CSMD1: variants seen among roughly 807,000 people sequenced by gnomAD.
CSMD1 encodes the protein CUB and Sushi multiple domains 1, also known as CUB and sushi domain-containing protein 1.
CSMD1 carries 213 observed loss-of-function variants against 417.5 expected under a neutral mutation model. That is an observed-to-expected ratio of 0.51 (90% CI 0.46 to 0.57). The LOEUF (loss-of-function observed/expected upper bound fraction) is 0.57. CSMD1 is among the 20% of genes least tolerant of loss of function. The probability of loss-of-function intolerance (pLI) is 0.00; values close to 1 mark genes in which losing one functional copy is unlikely to be tolerated. For missense variants in CSMD1, 6,923 were observed against 4,529.7 expected, an observed-to-expected ratio of 1.53 and a Z score of -15.17; for synonymous variants, 2,862 against 1,736.8, an observed-to-expected ratio of 1.65 and a Z score of -16.11.
intron 49 of CSMD1, among the ~76,000 whole-genome samples, chr8:3,074,827 A>C (rs145738628): frequency 3.0e-4 from 46 of 152,334 alleles, no homozygotes; most frequent in Non-Finnish European, 4.4e-4. Context: ...CATTCAATTG[A>C]TATAAAGACA....
intron 42 of CSMD1, among the ~76,000 whole-genome samples, chr8:3,117,820 T>C (rs1816959545): frequency 6.6e-6 from 1 of 152,172 alleles, no homozygotes; most frequent in Non-Finnish European, 1.5e-5. Context: ...ACCACTCTAC[T>C]ATTTTCTCCT....
chr8:4,948,813 G>C (rs774411824), intron 1 of CSMD1, among the ~76,000 whole-genome samples: 2 of 151,978 alleles, frequency 1.3e-5, no homozygotes, highest in East Asian at 1.9e-4. Flanking sequence ...TATTCCCCTA[G>C]AATGGAGCTG....
chr8:4,398,527 G>A (rs557368637), intron 3 of CSMD1, among the ~76,000 whole-genome samples: 47 of 151,640 alleles, frequency 3.1e-4, no homozygotes, highest in African/African-American at 1.1e-3. Context: ...CCGAGTAGGT[G>A]GGACTACAGG....
chr8:4,046,396 C>A (rs920890041), intron 3 of CSMD1, among the ~76,000 whole-genome samples: 1 of 152,122 alleles, frequency 6.6e-6, no homozygotes, highest in Non-Finnish European at 1.5e-5. Context: ...TATTACAAAT[C>A]CATGATTTTC....
intron 1 of CSMD1, among the ~76,000 whole-genome samples, chr8:4,899,094 G>A (rs1353544836): frequency 6.6e-6 from 1 of 152,166 alleles, no homozygotes; most frequent in Non-Finnish European, 1.5e-5. Context: ...AGTGTGATCT[G>A]TTACATAAAT....
intron 3 of CSMD1, among the ~76,000 whole-genome samples, chr8:4,051,274 G>C (rs1798410492): frequency 1.4e-5 from 2 of 146,544 alleles, no homozygotes; most frequent in African/African-American, 2.6e-5. Flanking sequence ...GTTTTACAAA[G>C]CCTGCACAAA....
intron 3 of CSMD1, among the ~76,000 whole-genome samples, chr8:4,133,570 G>A (rs530544307): frequency 4.0e-4 from 61 of 152,204 alleles, no homozygotes; most frequent in African/African-American, 1.4e-3. Flanking sequence ...GGAAAGCCGT[G>A]CATTAACGCC....
intron 3 of CSMD1, among the ~76,000 whole-genome samples, chr8:4,208,342 A>T (rs946793767): frequency 6.6e-6 from 1 of 152,188 alleles, no homozygotes; most frequent in African/African-American, 2.4e-5. Context: ...TCTTATTTGA[A>T]TCCTTCCTGG....
intron 2 of CSMD1, among the ~76,000 whole-genome samples, chr8:4,440,557 A>G (rs564550604): frequency 2.6e-5 from 4 of 152,178 alleles, no homozygotes; most frequent in East Asian, 3.9e-4. Flanking sequence ...ATGCATATCT[A>G]TATGTAATTT....
intron 5 of CSMD1, among the ~76,000 whole-genome samples, chr8:3,938,714 C>A (rs992588751): frequency 6.6e-6 from 1 of 152,082 alleles, no homozygotes; most frequent in African/African-American, 2.4e-5. Context: ...AATTATAGAC[C>A]CAAACATAAG....
chr8:3,756,778 GA>G (rs1797683736), intron 5 of CSMD1, among the ~76,000 whole-genome samples: 1 of 151,600 alleles, frequency 6.6e-6, no homozygotes, highest in African/African-American at 2.4e-5. Flanking sequence ...GAACGGTTCT[GA>G]CTGAAAAAAC....
At chr8:3,754,527 T>A (rs536313470) in intron 5 of CSMD1, among the ~76,000 whole-genome samples, 1 of 152,130 alleles carries the variant, frequency 6.6e-6, no homozygotes, top group African/African-American at 2.4e-5. Flanking sequence ...CGATCTCGGC[T>A]CACTGCAAGC....
chr8:4,157,556 G>C (rs1293781365), intron 3 of CSMD1, among the ~76,000 whole-genome samples: 1 of 152,002 alleles, frequency 6.6e-6, no homozygotes, highest in Admixed American at 6.6e-5. Context: ...TGACTGTGTT[G>C]TCATTCCCCC....
rs968305092 is a variant in CSMD1 at position 3,157,859 on chromosome 8, T to G, written c.5914+38A>C. 63 of 1,494,218 alleles carry G rather than the reference T, an allele frequency of 4.2e-5. No homozygotes were observed. The East Asian group carries it at 1.5e-3, about 35-fold the overall frequency. The allele number at this position is 1,494,218 out of a possible 1,614,324, so 92.6% of individuals were successfully genotyped here. A position where few individuals can be genotyped will look rare whatever the true frequency, so the allele number is the denominator to read the frequency against. ...TAGAGCAGGCATGTTCTTCCCAGTG[T>G]GTGCGCAGCAGCAGAGTTACAGAAG... On this transcript the variant is annotated intron_variant, in intron 39 of 69. Transcript: ENST00000635120.
chr8:4,833,849 C>T (rs926628079), intron 1 of CSMD1, among the ~76,000 whole-genome samples: 3 of 152,210 alleles, frequency 2.0e-5, no homozygotes, highest in African/African-American at 7.2e-5. Flanking sequence ...GCTACGTTGG[C>T]TAGCTCTGTA....
At chr8:4,577,999 C>T (rs1043275147) in intron 2 of CSMD1, among the ~76,000 whole-genome samples, 1 of 152,234 alleles carries the variant, frequency 6.6e-6, no homozygotes, top group South Asian at 2.1e-4. Flanking sequence ...TTTCGGGGAT[C>T]ACATATTTGG....
At chr8:4,653,873 C>A (rs533212827) in intron 1 of CSMD1, among the ~76,000 whole-genome samples, 4 of 151,960 alleles carry the variant, frequency 2.6e-5, no homozygotes, top group Non-Finnish European at 5.9e-5. Flanking sequence ...TTTTTCATAA[C>A]GTTATTCATG....
rs767039998 is a variant in CSMD1, at chr8:3,223,832, C to A, written c.4381G>T (p.Val1461Phe). 60 of 1,613,700 alleles carry A rather than the reference C, an allele frequency of 3.7e-5. 2 individuals are homozygous for A. In the South Asian group the frequency reaches 6.5e-4, roughly 17 times the overall value. The change falls in exon 28 of 70, where the codon GTT becomes TTT. Residue 1461 changes from valine to phenylalanine, a missense_variant. Val to Phe is a conservative substitution (Grantham distance 50, BLOSUM62 -1). Coordinates refer to ENST00000635120, the MANE Select transcript of CSMD1 (RefSeq NM_033225.6). Reference sequence around the variant, plus strand: ...TGTGGGTAGTTGGGTGACAAAATAACACCTGCTGGGCCCGTCAGATTCCCT... The same window carrying A: ...TGTGGGTAGTTGGGTGACAAAATAAAACCTGCTGGGCCCGTCAGATTCCCT... ...CGGNLTGPAGVILSPNYPQPY... is the reference protein window; with the variant it reads ...CGGNLTGPAGFILSPNYPQPY...
chr8:3,299,328 T>A (rs144111476), intron 25 of CSMD1, among the ~76,000 whole-genome samples: 260 of 152,218 alleles, frequency 1.7e-3, no homozygotes, highest in African/African-American at 5.9e-3. Flanking sequence ...GGCAGACACC[T>A]GTAATCCCAG....
Sources: gnomAD v4.1 joint callset for allele counts (sites outside exome capture counted in the v4.1 genomes callset) on GRCh38, gnomAD v4.1.1 for gene constraint, MANE v1.5 for transcripts, NCBI Gene and HGNC (gene_info 2026-07-23, HGNC 2026-07-21) for gene names.